DNAH9: variants seen among roughly 807,000 people sequenced by gnomAD.
DNAH9 encodes the protein DNAH9 variant protein.
In DNAH9, 345 loss-of-function variants were observed where a neutral mutation model predicts 471.6. The observed-to-expected ratio is 0.73, with a 90% confidence interval of 0.67 to 0.80. The LOEUF is 0.80. Among genes scored for constraint, DNAH9 ranks in the 30% least tolerant of loss-of-function variants. The pLI is 0.00. For synonymous variants in DNAH9, 2,093 were observed against 2,123.6 expected (o/e 0.99, Z 0.40); for missense variants, 5,407 against 5,609.2 (o/e 0.96, Z 1.15).
At position 11,959,482 on chromosome 17, in the gene DNAH9, T is replaced by C. The variant is rs114353295; in HGVS notation, c.12844-2385T>C. ...AACTACAGATATGAGGAAGACCGTA[T>C]TGTCTCAGAAGCTTGATTTGGGCTC... On this transcript the variant is annotated intron_variant, in intron 67 of 68. Coordinates refer to ENST00000262442, the MANE Select transcript of DNAH9 (RefSeq NM_001372.4). 4.6e-3 allele frequency among the ~76,000 whole-genome samples: 698 copies of C among 152,324 alleles called. 4 individuals carry two copies. The highest frequency in any genetic ancestry group is 0.016 in the African/African-American group (676 of 41,576).
Position 11,854,282 on chromosome 17 carries a change from G to T in DNAH9, c.9787G>T (p.Ala3263Ser). 1 of 1,614,198 alleles carries T rather than the reference G, an allele frequency of 6.2e-7. No homozygotes were observed. The highest frequency in any genetic ancestry group is 1.1e-5 in the South Asian group (1 of 91,084). ...EFVATKSYAA[A>S]GLCSWVINIV... ...TGTGGCCACCAAATCCTATGCGGCT[G>T]CAGGCCTCTGCTCCTGGGTCATCAA... The change falls in exon 50 of 69, where the codon GCA becomes TCA. Residue 3263 changes from alanine to serine, a missense_variant. By Grantham distance (99) the Ala-to-Ser change is moderately conservative. Transcript: ENST00000262442.
chr17:11,617,497 G>A lies in DNAH9; in HGVS notation c.991G>A (p.Val331Met), dbSNP rs754813799. 2.5e-6 allele frequency: 4 copies of A among 1,614,154 alleles called. No individual in the cohort carries two copies. The highest frequency in any genetic ancestry group is 3.3e-5 in the Admixed American group (2 of 60,020). Reference sequence around the variant, plus strand: ...TCTGGAGAATGCAGAATTTCCGGAGGTGAAGCCCCAGCTGCGGCCCCTGCT... The same window carrying A: ...TCTGGAGAATGCAGAATTTCCGGAGATGAAGCCCCAGCTGCGGCCCCTGCT... ...EALENAEFPE[V>M]KPQLRPLLHV... is the part of the protein sequence containing the mutation. Residue 331 changes from valine to methionine, a missense_variant, in exon 5 of 69, where the codon GTG becomes ATG. By Grantham distance (21) the Val-to-Met change is conservative. Around this residue, in one of 3 missense-constraint regions of DNAH9, gnomAD observed 767 missense variants for 692.5 expected, o/e 1.11. Coordinates refer to ENST00000262442, the MANE Select transcript of DNAH9 (RefSeq NM_001372.4).
At chr17:11,916,204 C>A (rs912166989) in intron 61 of DNAH9, among the ~76,000 whole-genome samples, 4 of 152,138 alleles carry the variant, frequency 2.6e-5, no homozygotes, top group African/African-American at 9.7e-5. Context: ...TGTTCTTAGC[C>A]AATTGACCTC....
intron 50 of DNAH9, among the ~76,000 whole-genome samples, chr17:11,855,284 C>T (rs766316017): frequency 1.3e-5 from 2 of 152,052 alleles, no homozygotes; most frequent in East Asian, 1.9e-4. Flanking sequence ...CAAAGTAAAA[C>T]GTTAAGGTGT....
chr17:11,669,316 G>A (rs561957044), intron 16 of DNAH9, 54 bp from the exon 17 acceptor site: 17 of 1,594,766 alleles, frequency 1.1e-5, no homozygotes, highest in South Asian at 2.3e-5. Context: ...GCCGAATCTC[G>A]AACTTCCTGC....
At chr17:11,912,976 T>C (rs1973836353) in intron 61 of DNAH9, among the ~76,000 whole-genome samples, 1 of 152,080 alleles carries the variant, frequency 6.6e-6, no homozygotes, top group African/African-American at 2.4e-5. Flanking sequence ...AAGACCAGCC[T>C]TGTCAACATG....
At chr17:11,617,947 G>A (rs60986932) in intron 5 of DNAH9, among the ~76,000 whole-genome samples, 1 of 152,176 alleles carries the variant, frequency 6.6e-6, no homozygotes, top group South Asian at 2.1e-4. Flanking sequence ...GCAGTAAAGA[G>A]TGCAGCCTCT....
chr17:11,929,577 A>C (rs1974438966), intron 62 of DNAH9, among the ~76,000 whole-genome samples: 1 of 152,200 alleles, frequency 6.6e-6, no homozygotes. Context: ...GAATACTGGG[A>C]GGTCCTCACT....
intron 26 of DNAH9, among the ~76,000 whole-genome samples, chr17:11,710,269 A>G (rs1050815833): frequency 7.2e-5 from 11 of 152,130 alleles, no homozygotes; most frequent in Non-Finnish European, 1.3e-4. Flanking sequence ...ATGTAACATA[A>G]CCATATTATG....
chr17:11,604,485 TCTC>T (rs1327754451), intron 1 of DNAH9, among the ~76,000 whole-genome samples: 4 of 152,082 alleles, frequency 2.6e-5, no homozygotes, highest in Non-Finnish European at 4.4e-5. Flanking sequence ...AGCCCTCTCT[TCTC>T]CTCTGAACTC....
At chr17:11,843,260 A>AT (rs1461966840) in intron 49 of DNAH9, among the ~76,000 whole-genome samples, 1 of 152,196 alleles carries the variant, frequency 6.6e-6, no homozygotes, top group Non-Finnish European at 1.5e-5. Flanking sequence ...TTTATGGATG[A>AT]TATAAAAAAT....
Position 11,820,517 on chromosome 17 carries a change from T to C in DNAH9, c.8708-1403T>C, listed in dbSNP as rs1415767601. ...AAACAAAAAGTAACTAAGCATAGTT[T>C]TGATATACATTTCTGTTCTTATGAG... On this transcript the variant is annotated intron_variant, in intron 45 of 68. Coordinates refer to ENST00000262442, the MANE Select transcript of DNAH9 (RefSeq NM_001372.4). Among the ~76,000 whole-genome samples, 41 of 152,198 alleles carry C rather than the reference T, an allele frequency of 2.7e-4. 1 individual carries two copies.
chr17:11,882,673 C>T (rs1241201573), intron 55 of DNAH9, among the ~76,000 whole-genome samples: 5 of 152,094 alleles, frequency 3.3e-5, no homozygotes, highest in South Asian at 2.1e-4. Flanking sequence ...AAAACAGCAA[C>T]GTAAACAAAT....
chr17:11,720,320 A>G (rs2075033067), intron 27 of DNAH9, among the ~76,000 whole-genome samples: 2 of 151,700 alleles, frequency 1.3e-5, no homozygotes, highest in African/African-American at 4.8e-5. Flanking sequence ...ACATATGTAT[A>G]CATGTGCCAT....
At chr17:11,939,031 A>G (rs556035549) in intron 66 of DNAH9, among the ~76,000 whole-genome samples, 2 of 152,366 alleles carry the variant, frequency 1.3e-5, no homozygotes, top group South Asian at 4.1e-4. Flanking sequence ...GGACTTTTAT[A>G]TAAAGGTATG....
intron 20 of DNAH9, among the ~76,000 whole-genome samples, chr17:11,693,182 G>A (rs890187514): frequency 1.3e-5 from 2 of 149,816 alleles, no homozygotes; most frequent in Non-Finnish European, 3.0e-5. Context: ...CAAAGTGCTG[G>A]GATTACAGGT....
intron 67 of DNAH9, chr17:11,953,883 CAA>C (rs1975512110): frequency 1.3e-5 from 2 of 150,534 alleles, no homozygotes; most frequent in African/African-American, 2.4e-5. Flanking sequence ...TAGAAGAAAA[CAA>C]GAGTATAATG....
intron 13 of DNAH9, among the ~76,000 whole-genome samples, chr17:11,651,606 G>A (rs2073508083): frequency 6.6e-6 from 1 of 152,116 alleles, no homozygotes. Context: ...CATATATTGG[G>A]TGCTCCATGA....
chr17:11,856,320 G>A (rs1488566058), intron 50 of DNAH9, among the ~76,000 whole-genome samples: 1 of 152,138 alleles, frequency 6.6e-6, no homozygotes, highest in Non-Finnish European at 1.5e-5. Flanking sequence ...TGTATGCCAC[G>A]TGACATGGGT....
Sources: allele counts gnomAD v4.1 joint callset (sites outside exome capture counted in the v4.1 genomes callset), GRCh38; gene constraint gnomAD v4.1.1; regional missense constraint gnomAD v4.1.1; transcripts MANE v1.5; gene names NCBI Gene and HGNC (gene_info 2026-07-23, HGNC 2026-07-21).